PHF8: variants seen among roughly 807,000 people sequenced by gnomAD.
The protein encoded by PHF8 is PHD finger protein 8.
In PHF8, 9 loss-of-function variants were observed where a neutral mutation model predicts 74.4. That is an observed-to-expected ratio of 0.12 (90% confidence interval 0.07 to 0.21). The LOEUF is 0.21. Ranked by LOEUF, PHF8 falls within the 10% of genes least tolerant of loss-of-function variation. The pLI, the probability that PHF8 is intolerant of heterozygous loss-of-function variation, is 1.00. For synonymous variants in PHF8, 311 were observed against 316.6 expected, an observed-to-expected ratio of 0.98 and a Z score of 0.19; for missense variants, 478 against 816.6, an observed-to-expected ratio of 0.59 and a Z score of 5.05.
chrX:54,018,066 A>G (rs1005413774), intron 4 of PHF8, among the ~76,000 whole-genome samples: 2 of 112,045 alleles, frequency 1.8e-5, no homozygotes, highest in Admixed American at 9.5e-5. Flanking sequence ...AGAAGAAATC[A>G]GTCAACAGCC....
At chrX:54,036,948 C>T (rs192843733) in intron 2 of PHF8, among the ~76,000 whole-genome samples, 86 of 102,610 alleles carry the variant, frequency 8.4e-4, no homozygotes, top group African/African-American at 2.9e-3. Flanking sequence ...TGCAGCGAGC[C>T]GAGATCGCGC....
chrX:53,939,780 TTTG>T (rs1557082865), intron 21 of PHF8, among the ~76,000 whole-genome samples: 1 of 110,961 alleles, frequency 9.0e-6, no homozygotes, highest in African/African-American at 3.3e-5. Context: ...CCTCTAACTC[TTTG>T]TTGTCTCTGT....
chrX:53,992,682 G>A (rs1393075025), intron 14 of PHF8, 54 bp downstream of exon 14: 21 of 709,804 alleles, frequency 3.0e-5, no homozygotes, highest in Non-Finnish European at 4.7e-5. Context: ...CTGTCTCAGT[G>A]GCATATTACC....
At chrX:53,952,112 G>A (rs868959675) in intron 19 of PHF8, among the ~76,000 whole-genome samples, 44 of 109,344 alleles carry the variant, frequency 4.0e-4, no homozygotes, top group Middle Eastern at 4.7e-3. Context: ...AGTGAAACCC[G>A]TCTCTACTAA....
chrX:53,970,732 A>T (rs187889180), intron 18 of PHF8, among the ~76,000 whole-genome samples: 97 of 111,648 alleles, frequency 8.7e-4, no homozygotes, highest in Non-Finnish European at 1.3e-3. Flanking sequence ...ATCAACAAAG[A>T]TCAAAAATGA....
chrX:54,043,892 T>C lies in PHF8; in HGVS notation c.-223A>G, dbSNP rs1233683844. Reference sequence around the variant, plus strand: ...TGCAAGGACTCCACGCCCGCGGAGCTCAGCCCCAGCGACACGCCGGCAGCC... The same window carrying C: ...TGCAAGGACTCCACGCCCGCGGAGCCCAGCCCCAGCGACACGCCGGCAGCC... On this transcript the variant is annotated 5_prime_UTR_variant, in exon 1 of 22. Transcript: ENST00000338154. 8 of 752,890 alleles carry C rather than the reference T, an allele frequency of 1.1e-5. No individual in the cohort carries two copies. The highest frequency in any genetic ancestry group is 8.6e-5 in the Admixed American group (1 of 11,599). 62.0% of individuals were successfully genotyped at this position (752,890 alleles called of 1,213,427 possible).
intron 2 of PHF8, among the ~76,000 whole-genome samples, chrX:54,042,217 C>T (rs782403813): frequency 9.1e-6 from 1 of 110,238 alleles, no homozygotes; most frequent in Non-Finnish European, 1.9e-5. Flanking sequence ...AGGAAAATCG[C>T]TTGAACCTGG....
chrX:54,039,595 T>C (rs2066518977), intron 2 of PHF8: 1 of 112,458 alleles, frequency 8.9e-6, no homozygotes, highest in Non-Finnish European at 1.9e-5. Flanking sequence ...ATGGTGCTCC[T>C]TATAAATAAA....
At chrX:53,954,395 G>C (rs2064978331) in intron 19 of PHF8, among the ~76,000 whole-genome samples, 1 of 104,841 alleles carries the variant, frequency 9.5e-6, no homozygotes, top group Non-Finnish European at 1.9e-5. Flanking sequence ...AGCTACTGGG[G>C]AGGCTGAGGC....
intron 1 of PHF8, 22 bp downstream of exon 1, chrX:54,043,740 C>T (rs1284473278): frequency 4.9e-6 from 3 of 609,779 alleles, no homozygotes; most frequent in Non-Finnish European, 5.9e-6. Context: ...ACAGTAATAG[C>T]CTCGCAGCCC....
At chrX:53,992,183 TTC>T (rs1413776116) in intron 14 of PHF8, among the ~76,000 whole-genome samples, 1 of 112,341 alleles carries the variant, frequency 8.9e-6, no homozygotes, top group Non-Finnish European at 1.9e-5. Flanking sequence ...TTGAACATCT[TTC>T]TGTGTCAATA....
chrX:53,970,823 T>G (rs782215587), intron 18 of PHF8, among the ~76,000 whole-genome samples: 3 of 111,458 alleles, frequency 2.7e-5, no homozygotes, highest in African/African-American at 9.8e-5. Flanking sequence ...GTACCCAATA[T>G]AGGAGCACCC....
chrX:53,976,685 G>GT (rs1189194952), intron 18 of PHF8, among the ~76,000 whole-genome samples: 2 of 74,356 alleles, frequency 2.7e-5, no homozygotes, highest in Admixed American at 1.5e-4. Context: ...CACTTTTTAA[G>GT]TTAAAAAAAA....
intron 1 of PHF8, among the ~76,000 whole-genome samples, chrX:54,043,359 C>A (rs1186140177): frequency 8.1e-5 from 9 of 111,091 alleles, no homozygotes; most frequent in Non-Finnish European, 1.7e-4. Context: ...AGGCGCCCAA[C>A]TCAAATCACA....
intron 8 of PHF8, among the ~76,000 whole-genome samples, chrX:54,003,065 T>A (rs2065849018): frequency 8.9e-6 from 1 of 112,163 alleles, no homozygotes; most frequent in South Asian, 3.7e-4. Flanking sequence ...TGCAAAGATG[T>A]AAAACAATGT....
intron 6 of PHF8, among the ~76,000 whole-genome samples, chrX:54,015,669 AGTACACAGGACCTCCCT>A (rs1443188959): frequency 9.1e-6 from 1 of 110,020 alleles, no homozygotes; most frequent in Non-Finnish European, 1.9e-5. Context: ...GTGGCTAAAG[AGTACACAGGACCTCCCT>A]GTACACTTTT....
At chrX:54,001,245 G>A (rs2065822715) in intron 10 of PHF8, among the ~76,000 whole-genome samples, 1 of 111,277 alleles carries the variant, frequency 9.0e-6, no homozygotes, top group African/African-American at 3.3e-5. Flanking sequence ...AGAATCACTT[G>A]AACCCAGGAG....
In PHF8 at chrX:53,992,845, G is replaced by C; in HGVS notation, c.1627-6C>G. On this transcript the variant is annotated splice_polypyrimidine_tract_variant and splice_region_variant and intron_variant, in intron 13 of 21. Transcript: ENST00000338154. ...CAGGCACCAGTGATGTTGAACTGTA[G>C]AAGTAGGAGACTCAGCCGTTACCTG... 1.8e-6 allele frequency: 2 copies of C among 1,127,302 alleles called. No individual in the cohort carries two copies. The highest frequency in any genetic ancestry group is 2.4e-6 in the Non-Finnish European group (2 of 820,553). The allele number at this position is 1,127,302 out of a possible 1,213,427, so 92.9% of individuals were successfully genotyped here.
intron 14 of PHF8, among the ~76,000 whole-genome samples, chrX:53,990,754 C>T (rs781973133): frequency 6.3e-5 from 7 of 111,431 alleles, no homozygotes; most frequent in South Asian, 7.6e-4. Flanking sequence ...GTTCCTACAT[C>T]GTTCATACTC....
Sources: gnomAD v4.1 joint callset for allele counts (sites outside exome capture counted in the v4.1 genomes callset) on GRCh38, gnomAD v4.1.1 for gene constraint, MANE v1.5 for transcripts, NCBI Gene and HGNC (gene_info 2026-07-23, HGNC 2026-07-21) for gene names.